RGS6: variants seen among roughly 807,000 people sequenced by gnomAD.
RGS6 encodes the protein regulator of G protein signaling 6, also known as regulator of G-protein signaling 6.
Under a neutral mutation model 78.5 loss-of-function variants are expected in RGS6, and 30 were observed. The ratio of observed to expected loss-of-function variants is 0.38; its 90% CI spans 0.29 to 0.52. The LOEUF (loss-of-function observed/expected upper bound fraction) is 0.52, where lower values mean the gene tolerates loss of function less well. RGS6 is among the 20% of genes least tolerant of loss of function. RGS6 has a pLI of 0.85. For missense variants in RGS6, 495 were observed against 609.7 expected (o/e 0.81, Z 1.98); for synonymous variants, 206 against 206.0 (o/e 1.00, Z 0.00).
intron 2 of RGS6, among the ~76,000 whole-genome samples, chr14:72,232,239 A>T (rs1336268040): frequency 6.6e-6 from 1 of 152,132 alleles, no homozygotes; most frequent in Non-Finnish European, 1.5e-5. Context: ...GTTGACATGG[A>T]ACTTCTTCAA....
chr14:72,423,775 C>G (rs911757655), intron 3 of RGS6, among the ~76,000 whole-genome samples: 1 of 152,138 alleles, frequency 6.6e-6, no homozygotes, highest in African/African-American at 2.4e-5. Flanking sequence ...CAGCGACATG[C>G]AATTTATACA....
At chr14:72,623,069 G>A in the RGS6 span, among the ~76,000 whole-genome samples, 6,203 of 152,238 alleles carry the variant, frequency 0.041, 224 homozygotes, top group East Asian at 0.11. Flanking sequence ...GCAAGATGGA[G>A]AAAACATATA....
Position 72,184,120 on chromosome 14 carries a change from A to G in RGS6, c.85-167975A>G, listed in dbSNP as rs554045651. Among the ~76,000 whole-genome samples, 12 of 152,142 alleles carry G rather than the reference A, an allele frequency of 7.9e-5. No homozygotes were observed. The South Asian group carries it at 1.5e-3, about 18-fold the overall frequency. ...CTACACCTTGCCTCTACTTAGCCCA[A>G]TCTCACACACCCTGTGAGGCTTTTT... On this transcript the variant is annotated intron_variant, in intron 2 of 17. Coordinates refer to ENST00000553525, the MANE Select transcript of RGS6 (RefSeq NM_001204424.2).
At chr14:72,215,033 G>A (rs1353660524) in intron 2 of RGS6, among the ~76,000 whole-genome samples, 1 of 146,790 alleles carries the variant, frequency 6.8e-6, no homozygotes. Flanking sequence ...TCAGGACACT[G>A]TGAAGCCTTT....
intron 2 of RGS6, among the ~76,000 whole-genome samples, chr14:72,224,458 G>GT (rs5809566): frequency 1.7e-4 from 25 of 149,540 alleles, no homozygotes; most frequent in East Asian, 5.9e-4. Flanking sequence ...TTGGGTGTGG[G>GT]TTTTTTTTTT....
chr14:71,981,313 T>A (rs1031938051), intron 2 of RGS6, among the ~76,000 whole-genome samples: 1 of 152,186 alleles, frequency 6.6e-6, no homozygotes, highest in Non-Finnish European at 1.5e-5. Flanking sequence ...GAGGAACTGC[T>A]TCCCTTTGGA....
At chr14:71,936,038 ATATGTACATATATAT>A (rs2089241187) in intron 1 of RGS6, among the ~76,000 whole-genome samples, 1 of 139,554 alleles carries the variant, frequency 7.2e-6, no homozygotes, top group Non-Finnish European at 1.6e-5. Flanking sequence ...ATATATATAT[ATATGTACATATATAT>A]CATATATACA....
intron 2 of RGS6, among the ~76,000 whole-genome samples, chr14:72,280,100 C>T (rs2061333995): frequency 6.6e-6 from 1 of 152,096 alleles, no homozygotes; most frequent in Admixed American, 6.5e-5. Flanking sequence ...TCAGCATGGT[C>T]CCCACCGCCA....
the RGS6 span, among the ~76,000 whole-genome samples, chr14:71,873,714 C>A: frequency 6.6e-6 from 1 of 152,118 alleles, no homozygotes; most frequent in Non-Finnish European, 1.5e-5. Context: ...GAAGTCCTTG[C>A]CCATGCCTAT....
rs575967745 is a variant in RGS6 at position 72,466,499 on chromosome 14, T to C, written c.459+677T>C. On this transcript the variant is annotated intron_variant, in intron 7 of 17. Transcript: ENST00000553525. The stretch of plus-strand genomic sequence containing the variant: ...AAACAACCCAAATGCACTTTAACAG[T>C]TGAATGGTTAAACTAACTGTGGTAC... Among the ~76,000 whole-genome samples, 616 of 152,302 alleles carry C rather than the reference T, an allele frequency of 4.0e-3. 4 individuals carry two copies. The highest frequency in any genetic ancestry group is 0.014 in the African/African-American group (570 of 41,544).
chr14:72,521,256 A>G (rs1441350071), intron 15 of RGS6, among the ~76,000 whole-genome samples: 1 of 152,204 alleles, frequency 6.6e-6, no homozygotes, highest in East Asian at 1.9e-4. Flanking sequence ...TTTGCTTTAT[A>G]CTACACAGAG....
chr14:72,608,971 CACAGGA>C, the RGS6 span, among the ~76,000 whole-genome samples: 4 of 152,368 alleles, frequency 2.6e-5, no homozygotes, highest in East Asian at 5.8e-4. Context: ...GCTCTACCCC[CACAGGA>C]TCTCTACATT....
intron 3 of RGS6, among the ~76,000 whole-genome samples, chr14:72,377,608 C>A (rs944601249): frequency 2.8e-4 from 42 of 151,990 alleles, no homozygotes; most frequent in Non-Finnish European, 2.8e-4. Context: ...CATTTTTTTT[C>A]ATCAGCACGT....
intron 12 of RGS6, among the ~76,000 whole-genome samples, chr14:72,488,290 C>T (rs900504484): frequency 7.2e-5 from 11 of 152,194 alleles, no homozygotes; most frequent in South Asian, 2.1e-4. Flanking sequence ...CATGTCTTGA[C>T]GCCTCTTGCC....
intron 2 of RGS6, among the ~76,000 whole-genome samples, chr14:72,100,387 C>T (rs1057306939): frequency 2.0e-5 from 3 of 151,968 alleles, no homozygotes; most frequent in East Asian, 1.9e-4. Flanking sequence ...CCCAGCTACT[C>T]GGGAGGCTGA....
At chr14:72,114,788 C>T (rs879673334) in intron 2 of RGS6, among the ~76,000 whole-genome samples, 2 of 152,166 alleles carry the variant, frequency 1.3e-5, no homozygotes, top group Non-Finnish European at 2.9e-5. Context: ...ACTTGGATGA[C>T]AATCATTAAA....
chr14:71,940,925 C>T (rs1363368609), intron 1 of RGS6, among the ~76,000 whole-genome samples: 1 of 152,210 alleles, frequency 6.6e-6, no homozygotes, highest in African/African-American at 2.4e-5. Context: ...TACATTAAGC[C>T]AAGGGAGATC....
intron 2 of RGS6, among the ~76,000 whole-genome samples, chr14:72,020,602 G>A (rs2153272226): frequency 6.6e-6 from 1 of 152,206 alleles, no homozygotes; most frequent in South Asian, 2.1e-4. Context: ...ATTCTCCAAG[G>A]TCTTTATCTT....
At position 72,005,439 on chromosome 14, in the gene RGS6, C is replaced by CTCTA. The variant is rs148163713; in HGVS notation, c.84+40590_84+40593dup. On this transcript the variant is annotated intron_variant, in intron 2 of 17. Coordinates refer to ENST00000553525, the MANE Select transcript of RGS6 (RefSeq NM_001204424.2). ...TTTCCAAGATTACACACCTGCATAT[C>CTCTA]TCTATCTATCTATCTATCTATCTAT... 6.1e-3 allele frequency among the ~76,000 whole-genome samples: 878 copies of CTCTA among 143,630 alleles called. 11 individuals are homozygous for CTCTA. Among genetic ancestry groups the CTCTA allele is most frequent in the African/African-American group, 0.018 (701 of 39,228 alleles). The allele number at this position is 143,630 out of a possible 152,430, so 94.2% of individuals were successfully genotyped here. A position where few individuals can be genotyped will look rare whatever the true frequency, so the allele number is the denominator to read the frequency against.
Sources: gnomAD v4.1 joint callset for allele counts (sites outside exome capture counted in the v4.1 genomes callset) on GRCh38, gnomAD v4.1.1 for gene constraint, MANE v1.5 for transcripts, NCBI Gene and HGNC (gene_info 2026-07-23, HGNC 2026-07-21) for gene names.